Variants in SIPA1L3 observed in about 807,000 individuals in gnomAD.
SIPA1L3 encodes signal-induced proliferation-associated 1-like protein 3.
SIPA1L3 carries 59 observed loss-of-function variants against 150.1 expected under a neutral mutation model. The observed-to-expected ratio is 0.39, with a 90% CI of 0.32 to 0.49. SIPA1L3 has a LOEUF of 0.49. Among genes scored for constraint, SIPA1L3 ranks in the 20% least tolerant of loss-of-function variants. SIPA1L3 has a pLI of 0.86. For missense variants in SIPA1L3, 2,211 were observed against 2,489.5 expected (o/e 0.89, Z 2.38); for synonymous variants, 1,070 against 1,077.6 (o/e 0.99, Z 0.14).
rs1254870840 is a variant in SIPA1L3 at position 38,082,949 on chromosome 19, C to G, written c.1384C>G (p.Pro462Ala). Reference protein sequence around the residue: ...PSSGEGHLAEPALSAYRTNAS... With the variant: ...PSSGEGHLAEAALSAYRTNAS... The stretch of plus-strand genomic sequence containing the variant: ...CAGCGGCGAGGGCCACCTGGCAGAG[C>G]CCGCCCTGAGCGCCTACCGCACCAA... The change falls in exon 3 of 22, where the codon CCC becomes GCC. Residue 462 changes from proline (P) to alanine (A), a missense_variant. Pro to Ala is a conservative substitution (Grantham distance 27). This residue lies in a region of SIPA1L3 where 587 missense variants were observed against 534.5 expected (regional missense o/e 1.10). Coordinates refer to ENST00000222345, the MANE Select transcript of SIPA1L3 (RefSeq NM_015073.3). 6.2e-7 allele frequency: 1 copy of G among 1,612,920 alleles called. No individual in the cohort carries two copies. Among genetic ancestry groups the G allele is most frequent in the Admixed American group, 1.7e-5 (1 of 60,000 alleles).
intron 4 of SIPA1L3, among the ~76,000 whole-genome samples, chr19:38,098,004 G>A (rs559902611): frequency 7.9e-5 from 12 of 152,322 alleles, no homozygotes; most frequent in African/African-American, 2.2e-4. Context: ...GATAAGGCAC[G>A]TAACCTCTTG....
chr19:38,094,472 A>G (rs1291348098), intron 4 of SIPA1L3, among the ~76,000 whole-genome samples: 2 of 152,194 alleles, frequency 1.3e-5, no homozygotes, highest in Admixed American at 1.3e-4. Flanking sequence ...GCTGGTCTTG[A>G]ACTCCTGAGC....
intron 8 of SIPA1L3, among the ~76,000 whole-genome samples, chr19:38,110,858 G>A (rs1196856971): frequency 1.3e-5 from 2 of 151,994 alleles, no homozygotes; most frequent in East Asian, 1.9e-4. Flanking sequence ...AGTTGGAGTC[G>A]TGTGCCTGTC....
chr19:37,981,055 G>A (rs1222767750), intron 1 of SIPA1L3, among the ~76,000 whole-genome samples: 1 of 152,196 alleles, frequency 6.6e-6, no homozygotes, highest in Admixed American at 6.5e-5. Flanking sequence ...GCCACATAGT[G>A]AGTGCTCAAG....
At chr19:38,181,101 G>T (rs541487436) in intron 15 of SIPA1L3, among the ~76,000 whole-genome samples, 5 of 152,136 alleles carry the variant, frequency 3.3e-5, no homozygotes, top group Admixed American at 6.6e-5. Flanking sequence ...GGGAAGAGGT[G>T]GGGGGAGGAC....
At chr19:38,099,159 C>T (rs1970442639) in intron 4 of SIPA1L3, among the ~76,000 whole-genome samples, 1 of 152,116 alleles carries the variant, frequency 6.6e-6, no homozygotes, top group African/African-American at 2.4e-5. Flanking sequence ...CCTCAGCCTC[C>T]CAAGTAGCTG....
intron 13 of SIPA1L3, among the ~76,000 whole-genome samples, chr19:38,158,638 G>A (rs1370339159): frequency 6.6e-6 from 1 of 152,236 alleles, no homozygotes; most frequent in African/African-American, 2.4e-5. Flanking sequence ...ACAGAGGTAG[G>A]CGGAGATGCA....
At chr19:38,113,916 G>T (rs1159764663) in intron 8 of SIPA1L3, among the ~76,000 whole-genome samples, 1 of 152,106 alleles carries the variant, frequency 6.6e-6, no homozygotes, top group African/African-American at 2.4e-5. Context: ...TCTGTTTCAA[G>T]TGTGCAATTT....
chr19:37,925,651 T>C (rs950523669), intron 1 of SIPA1L3, among the ~76,000 whole-genome samples: 6 of 142,052 alleles, frequency 4.2e-5, no homozygotes, highest in Non-Finnish European at 7.6e-5. Context: ...TGGAGTGCAA[T>C]GGCCCAATCT....
chr19:38,145,034 G>T (rs1019381548), intron 12 of SIPA1L3, among the ~76,000 whole-genome samples: 10 of 152,186 alleles, frequency 6.6e-5, no homozygotes, highest in African/African-American at 2.4e-4. Context: ...GGGTGTGGGG[G>T]CACCCAGGTG....
At chr19:37,925,696 C>T (rs925920708) in intron 1 of SIPA1L3, among the ~76,000 whole-genome samples, 3 of 148,158 alleles carry the variant, frequency 2.0e-5, no homozygotes, top group Non-Finnish European at 4.4e-5. Flanking sequence ...CAGGTTCAAG[C>T]GATTCTCCTG....
chr19:38,128,063 T>G (rs1017366514), intron 9 of SIPA1L3, among the ~76,000 whole-genome samples: 6 of 140,768 alleles, frequency 4.3e-5, no homozygotes, highest in African/African-American at 1.6e-4. Context: ...TTTTTTTTTT[T>G]TTTTTTTTTT....
At chr19:38,050,213 T>C (rs975262618) in intron 2 of SIPA1L3, among the ~76,000 whole-genome samples, 1 of 152,170 alleles carries the variant, frequency 6.6e-6, no homozygotes, top group African/African-American at 2.4e-5. Flanking sequence ...CCCAACACTT[T>C]GGGAGGCCGA....
At chr19:37,968,008 A>T (rs1266475591) in intron 1 of SIPA1L3, among the ~76,000 whole-genome samples, 1 of 144,946 alleles carries the variant, frequency 6.9e-6, no homozygotes, top group Admixed American at 6.9e-5. Flanking sequence ...AGTTCCTGTC[A>T]CATAGTAAGT....
intron 16 of SIPA1L3, among the ~76,000 whole-genome samples, chr19:38,183,719 G>C (rs1308882936): frequency 1.3e-5 from 2 of 152,218 alleles, no homozygotes; most frequent in Non-Finnish European, 2.9e-5. Context: ...AGGGTGTGGA[G>C]AGAGGAGAAA....
At chr19:38,174,847 A>G (rs1209737703) in intron 15 of SIPA1L3, among the ~76,000 whole-genome samples, 1 of 151,838 alleles carries the variant, frequency 6.6e-6, no homozygotes, top group African/African-American at 2.4e-5. Context: ...AAAAAAAAAA[A>G]GGATCCTCCA....
At chr19:37,990,001 C>A (rs1446107301) in intron 1 of SIPA1L3, among the ~76,000 whole-genome samples, 1 of 152,006 alleles carries the variant, frequency 6.6e-6, no homozygotes. Flanking sequence ...TGACGTAGAC[C>A]CCCCCACCTG....
chr19:38,122,759 G>A (rs1484724353), intron 9 of SIPA1L3, among the ~76,000 whole-genome samples: 1 of 152,164 alleles, frequency 6.6e-6, no homozygotes, highest in Non-Finnish European at 1.5e-5. Flanking sequence ...TGCTAGGGCG[G>A]CGTCCAGCCT....
chr19:37,912,982 T>A (rs957748884), intron 1 of SIPA1L3, among the ~76,000 whole-genome samples: 1 of 152,050 alleles, frequency 6.6e-6, no homozygotes, highest in Admixed American at 6.6e-5. Context: ...GAGGGGCTGG[T>A]GGTGGAGCAT....
Sources: allele counts gnomAD v4.1 joint callset (sites outside exome capture counted in the v4.1 genomes callset), GRCh38; gene constraint gnomAD v4.1.1; regional missense constraint gnomAD v4.1.1; transcripts MANE v1.5; gene names NCBI Gene and HGNC (gene_info 2026-07-23, HGNC 2026-07-21).